Variants in CCDC144A observed in about 807,000 individuals in gnomAD.
The protein encoded by CCDC144A is coiled-coil domain-containing protein 144A.
A neutral mutation model predicts 143.8 loss-of-function variants in CCDC144A; 41 were observed. The ratio of observed to expected loss-of-function variants is 0.29; its 90% CI spans 0.22 to 0.37. The LOEUF is 0.37. CCDC144A is among the 10% of genes least tolerant of loss of function. CCDC144A has a pLI of 1.00. For missense variants in CCDC144A, 637 were observed against 1,488.8 expected (o/e 0.43, Z 9.41); for synonymous variants, 242 against 517.9 (o/e 0.47, Z 7.23).
chr17:16,712,277 A>G (rs1454606731), intron 6 of CCDC144A: 1 of 165,824 alleles, frequency 6.0e-6, no homozygotes, highest in Non-Finnish European at 1.4e-5. Context: ...AGAAAAATGC[A>G]AACTAACAAT....
chr17:16,768,172 A>C (rs920957384), intron 15 of CCDC144A, among the ~76,000 whole-genome samples: 8 of 152,238 alleles, frequency 5.3e-5, no homozygotes, highest in African/African-American at 1.9e-4. Flanking sequence ...TTTAATCTAA[A>C]TGGGTCCAGG....
At chr17:16,694,483 T>G (rs1911283523) in intron 2 of CCDC144A, among the ~76,000 whole-genome samples, 1 of 151,774 alleles carries the variant, frequency 6.6e-6, no homozygotes, top group African/African-American at 2.4e-5. Flanking sequence ...CTTGGGAGAC[T>G]GAGATGGGAG....
At chr17:16,673,387 A>AT in the CCDC144A span, among the ~76,000 whole-genome samples, 11,970 of 138,518 alleles carry the variant, frequency 0.086, 593 homozygotes, top group South Asian at 0.17. Flanking sequence ...AGTTATCTTC[A>AT]TTTTTTTTTT....
intron 8 of CCDC144A, among the ~76,000 whole-genome samples, chr17:16,725,918 C>T (rs887275976): frequency 2.0e-5 from 3 of 150,688 alleles, no homozygotes; most frequent in Non-Finnish European, 3.0e-5. Flanking sequence ...CTCTCTTTTT[C>T]CCTCTTTGGG....
the CCDC144A span, among the ~76,000 whole-genome samples, chr17:16,671,214 C>CCAGA: frequency 6.6e-6 from 1 of 152,034 alleles, no homozygotes; most frequent in Non-Finnish European, 1.5e-5. Flanking sequence ...AACTCATGAC[C>CCAGA]TCAGGTGATC....
At chr17:16,762,649 T>C in intron 14 of CCDC144A, 116 bp downstream of exon 14, 1 of 1,168,890 alleles carries the variant, frequency 8.6e-7, no homozygotes, top group Non-Finnish European at 1.2e-6. Flanking sequence ...GCTAACTAGA[T>C]CATACAATTT....
intron 15 of CCDC144A, among the ~76,000 whole-genome samples, chr17:16,770,426 G>A (rs1343072946): frequency 1.3e-5 from 2 of 152,236 alleles, no homozygotes; most frequent in Non-Finnish European, 2.9e-5. Context: ...TGGGATTACA[G>A]GTGTGAGCCA....
chr17:16,690,683 G>A lies in CCDC144A; in HGVS notation c.283G>A (p.Gly95Arg). ...AGCTGCCCGGTCGGGCGACGTCCCT[G>A]GGGTGGAGCACATCTTAGCTCCTGG... is the stretch of plus-strand genomic sequence containing the variant. ...HRAARSGDVPGVEHILAPGDT... is the reference protein window; with the variant it reads ...HRAARSGDVPRVEHILAPGDT... Residue 95 changes from glycine (G) to arginine (R), a missense_variant, in exon 1 of 17, where the codon GGG (glycine) becomes AGG (arginine). By Grantham distance (125) the Gly-to-Arg change is moderately radical (BLOSUM62 -2). Transcript: ENST00000399273. 1 of 1,613,838 alleles carries A rather than the reference G, an allele frequency of 6.2e-7. No homozygotes were observed. Among genetic ancestry groups the A allele is most frequent in the Non-Finnish European group, 8.5e-7 (1 of 1,179,800 alleles).
the CCDC144A span, among the ~76,000 whole-genome samples, chr17:16,670,291 CTTTT>C: frequency 1.6e-5 from 2 of 127,884 alleles, no homozygotes; most frequent in Non-Finnish European, 3.3e-5. Flanking sequence ...TTTCTTTTTT[CTTTT>C]TTTTTTTTTT....
intron 15 of CCDC144A, chr17:16,764,786 T>TA (rs1915525815): frequency 6.5e-6 from 1 of 154,492 alleles, no homozygotes; most frequent in Admixed American, 6.4e-5. Flanking sequence ...CCAATTTTAG[T>TA]AAAATGTGTC....
chr17:16,670,755 T>C, the CCDC144A span, among the ~76,000 whole-genome samples: 349 of 152,074 alleles, frequency 2.3e-3, 4 homozygotes, highest in Middle Eastern at 0.01. Context: ...GAGATCTGCC[T>C]ACCTTGGCCT....
intron 14 of CCDC144A, 104 bp from the exon 15 acceptor site, chr17:16,763,861 A>G (rs2143382664): frequency 7.8e-7 from 1 of 1,289,808 alleles, no homozygotes; most frequent in South Asian, 1.6e-5. Flanking sequence ...CTTATGGTAT[A>G]TTCCATTTAC....
chr17:16,731,473 A>G, intron 9 of CCDC144A: 1 of 199,188 alleles, frequency 5.0e-6, no homozygotes, highest in Non-Finnish European at 1.0e-5. Flanking sequence ...ATTAATTTTC[A>G]ACTTGCATAA....
At chr17:16,682,202 GGTGTGTGTGTGTGTGTGT>G in the CCDC144A span, among the ~76,000 whole-genome samples, 2 of 145,230 alleles carry the variant, frequency 1.4e-5, no homozygotes, top group South Asian at 2.3e-4. Flanking sequence ...TCTGAAAATG[GGTGTGTGTGTGTGTGTGT>G]GTGTGTGTGT....
rs542872432 is a variant in CCDC144A, at chr17:16,699,455, A to G, written c.416-5696A>G. Among the ~76,000 whole-genome samples the G allele has an allele frequency of 2.2e-3, 292 of 131,106 alleles. 3 individuals are homozygous for G. Among genetic ancestry groups the G allele is most frequent in the African/African-American group, 8.5e-3 (285 of 33,372 alleles). 86.0% of individuals were successfully genotyped at this position (131,106 alleles called of 152,430 possible). On this transcript the variant is annotated intron_variant, in intron 2 of 16. Coordinates refer to ENST00000399273, the MANE Select transcript of CCDC144A (RefSeq NM_001382000.1). ...CAGTGGCGCTATCTCGGCTCACTGC[A>G]AGCTCCGCCTCCCGGGTTCACACCA...
In CCDC144A at chr17:16,709,036, G is replaced by C; in HGVS notation, c.979G>C (p.Gly327Arg). ...EEPLLDNSTR[G>R]TDVKDIPFNL... ...GCCACTACTTGATAACTCTACAAGA[G>C]GAACAGATGTAAAGGATATTCCCTT... Residue 327 changes from glycine (G) to arginine (R), a missense_variant, in exon 5 of 17, where the codon GGA becomes CGA. Transcript: ENST00000399273. 1 of 1,611,652 alleles carries C rather than the reference G, an allele frequency of 6.2e-7. No individual in the cohort carries two copies. The highest frequency in any genetic ancestry group is 8.5e-7 in the Non-Finnish European group (1 of 1,179,620).
chr17:16,737,054 T>C (rs1052050552), intron 12 of CCDC144A, among the ~76,000 whole-genome samples: 2 of 151,464 alleles, frequency 1.3e-5, no homozygotes, highest in Non-Finnish European at 3.0e-5. Context: ...AACACCTTCT[T>C]TGTCCTTAAC....
chr17:16,756,466 T>C (rs1915092929), intron 12 of CCDC144A, among the ~76,000 whole-genome samples: 2 of 150,838 alleles, frequency 1.3e-5, no homozygotes, highest in Admixed American at 6.6e-5. Flanking sequence ...TGGTTCCTTT[T>C]AATGCTATCT....
rs371661094 is a variant in CCDC144A at position 16,750,016 on chromosome 17, G to T, written c.3373-11409G>T. 2.8e-4 allele frequency among the ~76,000 whole-genome samples: 43 copies of T among 152,246 alleles called. No homozygotes were observed. In the East Asian group the frequency reaches 6.6e-3, roughly 23 times the overall value. Reference sequence around the variant, plus strand: ...TGTCTTTTGAATATAGCAGACTGTTGATTCTTATTGGTTTGTTTTATTTTA... The same window carrying T: ...TGTCTTTTGAATATAGCAGACTGTTTATTCTTATTGGTTTGTTTTATTTTA... On this transcript the variant is annotated intron_variant, in intron 12 of 16. Coordinates refer to ENST00000399273, the MANE Select transcript of CCDC144A (RefSeq NM_001382000.1).
Sources: allele counts gnomAD v4.1 joint callset (sites outside exome capture counted in the v4.1 genomes callset), GRCh38; gene constraint gnomAD v4.1.1; transcripts MANE v1.5; gene names NCBI Gene and HGNC (gene_info 2026-07-23, HGNC 2026-07-21).